The following RAC1 variants were observed in gnomAD, a reference collection of about 807,000 sequenced individuals.
RAC1 encodes the protein ras-related C3 botulinum toxin substrate 1.
Under a neutral mutation model 25.2 loss-of-function variants are expected in RAC1, and 2 were observed. The observed-to-expected ratio is 0.08, with a 90% CI of 0.03 to 0.25. The LOEUF (loss-of-function observed/expected upper bound fraction) is 0.25. RAC1 is among the 10% of genes least tolerant of loss of function. The pLI is 1.00. For synonymous variants in RAC1, 88 were observed against 94.0 expected (o/e 0.94, Z 0.37); for missense variants, 50 against 235.7 (o/e 0.21, Z 5.16).
rs918304490 is a variant in RAC1 at position 6,382,831 on chromosome 7, C to T, written c.36-4381C>T. ...GAGGTTGTGGTAAGCCAGGATTGCA[C>T]CATTGGGCTCCAGCCTGGAAGACAG... On this transcript the variant is annotated intron_variant, in intron 1 of 5. Coordinates refer to ENST00000348035, the MANE Select transcript of RAC1 (RefSeq NM_006908.5). 3.9e-5 allele frequency among the ~76,000 whole-genome samples: 6 copies of T among 152,236 alleles called. No homozygotes were observed. In the South Asian group the frequency reaches 1.2e-3, roughly 31 times the overall value.
At chr7:6,391,694 T>A (rs1783097426) in intron 2 of RAC1, 3 of 537,900 alleles carry the variant, frequency 5.6e-6, no homozygotes, top group Non-Finnish European at 9.6e-6. Context: ...TTCACTTAAA[T>A]AGCTTGTTGT....
chr7:6,398,873 A>T (rs1208116192), intron 3 of RAC1, among the ~76,000 whole-genome samples: 2 of 152,168 alleles, frequency 1.3e-5, no homozygotes, highest in African/African-American at 4.8e-5. Context: ...AATAAACTTC[A>T]TTAGAGTGTG....
chr7:6,383,871 C>T (rs2015848), intron 1 of RAC1, among the ~76,000 whole-genome samples: 30 of 126,946 alleles, frequency 2.4e-4, no homozygotes, highest in African/African-American at 8.0e-4. Context: ...GGCGCAATCT[C>T]GGCTCACTGC....
chr7:6,398,194 A>G (rs1783300504), intron 3 of RAC1, among the ~76,000 whole-genome samples: 1 of 136,792 alleles, frequency 7.3e-6, no homozygotes, highest in Non-Finnish European at 1.5e-5. Context: ...AGGCCCGGCT[A>G]TGTTCTGGGA....
intron 3 of RAC1, chr7:6,398,640 C>G (rs1783313793): frequency 9.3e-6 from 15 of 1,611,294 alleles, no homozygotes; most frequent in Non-Finnish European, 1.3e-5. Flanking sequence ...TAAACTCAAA[C>G]CAAGTTCTCA....
At chr7:6,380,377 AATGT>A (rs1277565621) in intron 1 of RAC1, among the ~76,000 whole-genome samples, 4 of 107,646 alleles carry the variant, frequency 3.7e-5, no homozygotes, top group African/African-American at 1.8e-4. Flanking sequence ...AATTATACAT[AATGT>A]GTGTGTGTGT....
chr7:6,395,585 T>C (rs1018104317), intron 3 of RAC1, among the ~76,000 whole-genome samples: 5 of 152,178 alleles, frequency 3.3e-5, no homozygotes, highest in African/African-American at 1.2e-4. Context: ...TTAGAAACGA[T>C]TATGAGTTGT....
intron 1 of RAC1, among the ~76,000 whole-genome samples, chr7:6,380,451 G>C (rs1782733011): frequency 6.6e-6 from 1 of 152,080 alleles, no homozygotes; most frequent in Non-Finnish European, 1.5e-5. Flanking sequence ...TAAGTGGGAG[G>C]AGCATCAGGA....
intron 1 of RAC1, among the ~76,000 whole-genome samples, chr7:6,383,560 C>A (rs1160141764): frequency 1.3e-5 from 2 of 152,022 alleles, no homozygotes; most frequent in Non-Finnish European, 2.9e-5. Context: ...CCCGGTTGAG[C>A]CTTTCTCAGC....
At chr7:6,395,379 G>T (rs997665180) in intron 3 of RAC1, among the ~76,000 whole-genome samples, 10 of 152,232 alleles carry the variant, frequency 6.6e-5, no homozygotes, top group Admixed American at 3.3e-4. Context: ...CTTTTGTGAG[G>T]TTGGCTGTTA....
chr7:6,395,574 C>T (rs1583267965), intron 3 of RAC1, among the ~76,000 whole-genome samples: 1 of 152,330 alleles, frequency 6.6e-6, no homozygotes, highest in Non-Finnish European at 1.5e-5. Flanking sequence ...TTTGTCACTA[C>T]TTAGAAACGA....
intron 1 of RAC1, among the ~76,000 whole-genome samples, chr7:6,381,549 C>T (rs1782765214): frequency 6.6e-6 from 1 of 151,976 alleles, no homozygotes; most frequent in Non-Finnish European, 1.5e-5. Context: ...TGTGCCACCA[C>T]ACCCAGCTAA....
At chr7:6,389,359 C>G (rs554270826) in intron 2 of RAC1, among the ~76,000 whole-genome samples, 1 of 151,588 alleles carries the variant, frequency 6.6e-6, no homozygotes, top group Non-Finnish European at 1.5e-5. Flanking sequence ...CATTTCCAAT[C>G]ACAGATGTGG....
At chr7:6,400,677 TTTTG>T (rs1783371938) in intron 4 of RAC1, among the ~76,000 whole-genome samples, 1 of 151,916 alleles carries the variant, frequency 6.6e-6, no homozygotes, top group African/African-American at 2.4e-5. Flanking sequence ...TTTTTTTTGT[TTTTG>T]TTTTTGTTTT....
chr7:6,389,611 T>A (rs1464224199), intron 2 of RAC1, among the ~76,000 whole-genome samples: 3 of 151,066 alleles, frequency 2.0e-5, no homozygotes, highest in Non-Finnish European at 4.4e-5. Flanking sequence ...ACCTGGGAGG[T>A]GGAGGTTGCA....
chr7:6,402,235 CA>C, intron 5 of RAC1, 80 bp from the exon 6 acceptor site: 16 of 1,524,592 alleles, frequency 1.0e-5, no homozygotes, highest in Non-Finnish European at 1.4e-5. Flanking sequence ...GCCCGGGCCC[CA>C]GGAGCTGCCT....
intron 1 of RAC1, among the ~76,000 whole-genome samples, chr7:6,381,730 G>A (rs1307028524): frequency 2.0e-5 from 3 of 152,088 alleles, no homozygotes; most frequent in Non-Finnish European, 4.4e-5. Context: ...TGTGAAGTCA[G>A]ATATTGGTAG....
chr7:6,376,672 GTTT>G (rs71008385), intron 1 of RAC1, among the ~76,000 whole-genome samples: 4,663 of 99,894 alleles, frequency 0.047, 101 homozygotes, highest in East Asian at 0.15. Context: ...CAGCTAATTT[GTTT>G]TTTTTTTTTT....
chr7:6,396,276 G>A (rs1270964086), intron 3 of RAC1, among the ~76,000 whole-genome samples: 1 of 152,166 alleles, frequency 6.6e-6, no homozygotes, highest in South Asian at 2.1e-4. Flanking sequence ...TTACGAGGAC[G>A]GGGAAGAAAT....
Sources: gnomAD v4.1 joint callset for allele counts (sites outside exome capture counted in the v4.1 genomes callset) on GRCh38, gnomAD v4.1.1 for gene constraint, MANE v1.5 for transcripts, NCBI Gene and HGNC (gene_info 2026-07-23, HGNC 2026-07-21) for gene names.